Variants in OPCML observed in about 807,000 individuals in gnomAD.
OPCML encodes the protein opioid binding protein/cell adhesion molecule like.
A neutral mutation model predicts 37.8 loss-of-function variants in OPCML; 13 were observed. The observed-to-expected ratio is 0.34, with a 90% confidence interval of 0.22 to 0.55. The LOEUF (loss-of-function observed/expected upper bound fraction) is 0.55. Among genes scored for constraint, OPCML ranks in the 20% least tolerant of loss-of-function variants. The pLI, the probability that OPCML is intolerant of heterozygous loss-of-function variation, is 0.91. For missense variants in OPCML, 341 were observed against 435.6 expected (o/e 0.78, Z 1.93); for synonymous variants, 176 against 168.8 (o/e 1.04, Z -0.33).
At position 132,468,202 on chromosome 11, in the gene OPCML, T is replaced by A. The variant is rs541444969; in HGVS notation, c.506-30843A>T. ...GCTCTTTTTCTTCAACCTATGTGAA[T>A]GGCCAGTGCTTTCCTATCATTAGAA... On this transcript the variant is annotated intron_variant, in intron 4 of 7. Transcript: ENST00000524381. Among the ~76,000 whole-genome samples the A allele has an allele frequency of 1.6e-3, 237 of 152,338 alleles. 3 individuals carry two copies. The highest frequency in any genetic ancestry group is 3.3e-3 in the South Asian group (16 of 4,824).
chr11:132,966,253 A>G (rs1345171560), intron 1 of OPCML, among the ~76,000 whole-genome samples: 2 of 152,062 alleles, frequency 1.3e-5, no homozygotes, highest in Non-Finnish European at 2.9e-5. Context: ...ACGTTTCAAA[A>G]TATTTTCTAA....
chr11:132,617,681 G>A (rs1939125055), intron 3 of OPCML, among the ~76,000 whole-genome samples: 1 of 152,214 alleles, frequency 6.6e-6, no homozygotes, highest in Non-Finnish European at 1.5e-5. Context: ...GATGAAGTTG[G>A]CATCAAGGTT....
At chr11:133,221,265 G>A (rs1470970401) in intron 1 of OPCML, among the ~76,000 whole-genome samples, 1 of 152,186 alleles carries the variant, frequency 6.6e-6, no homozygotes, top group East Asian at 1.9e-4. Flanking sequence ...TGTCTGCAGA[G>A]TGACTTGGTC....
intron 1 of OPCML, among the ~76,000 whole-genome samples, chr11:133,166,260 T>C (rs768340845): frequency 1.3e-5 from 2 of 152,242 alleles, no homozygotes; most frequent in African/African-American, 2.4e-5. Context: ...AGCATTTCTA[T>C]AGTAATTCCT....
chr11:133,083,148 A>G (rs375905023), intron 1 of OPCML, among the ~76,000 whole-genome samples: 1,628 of 150,466 alleles, frequency 0.011, 23 homozygotes, highest in African/African-American at 0.038. Flanking sequence ...ACACACGCAC[A>G]CACACACACG....
intron 4 of OPCML, among the ~76,000 whole-genome samples, chr11:132,489,135 ATTATT>A (rs1302305284): frequency 3.5e-4 from 54 of 152,314 alleles, no homozygotes; most frequent in East Asian, 9.6e-4. Flanking sequence ...AAAATGTATT[ATTATT>A]TTATTTTTAA....
At chr11:132,661,034 C>T (rs1302194553) in intron 2 of OPCML, among the ~76,000 whole-genome samples, 1 of 152,112 alleles carries the variant, frequency 6.6e-6, no homozygotes, top group East Asian at 1.9e-4. Flanking sequence ...GTGCAAGTGG[C>T]CACAGGCTTG....
chr11:133,480,645 T>C (rs987551387), intron 1 of OPCML, among the ~76,000 whole-genome samples: 2 of 152,244 alleles, frequency 1.3e-5, no homozygotes, highest in East Asian at 1.9e-4. Flanking sequence ...TGCATGAAAC[T>C]CTTTCTGACC....
chr11:133,154,210 G>T (rs1051297688), intron 1 of OPCML, among the ~76,000 whole-genome samples: 7 of 128,588 alleles, frequency 5.4e-5, no homozygotes, highest in Admixed American at 5.1e-4. Context: ...ATGTGCTCAT[G>T]CTTCTGATTA....
chr11:133,286,369 T>C (rs900717764), intron 1 of OPCML, among the ~76,000 whole-genome samples: 27 of 149,182 alleles, frequency 1.8e-4, no homozygotes, highest in South Asian at 4.2e-4. Context: ...ACTCGGGAGG[T>C]TGAGGCAGGA....
At chr11:133,201,785 C>T (rs1426939532) in intron 1 of OPCML, among the ~76,000 whole-genome samples, 3 of 152,306 alleles carry the variant, frequency 2.0e-5, no homozygotes, top group Non-Finnish European at 4.4e-5. Context: ...TGGCTAAAGC[C>T]ACTATGTCTG....
At chr11:133,304,168 C>A (rs1324146047) in intron 1 of OPCML, among the ~76,000 whole-genome samples, 2 of 152,186 alleles carry the variant, frequency 1.3e-5, no homozygotes, top group Non-Finnish European at 2.9e-5. Context: ...CGTCTACTGC[C>A]AACAGCTCTA....
At chr11:133,184,986 T>A (rs982810334) in intron 1 of OPCML, among the ~76,000 whole-genome samples, 2 of 152,150 alleles carry the variant, frequency 1.3e-5, no homozygotes, top group Admixed American at 6.5e-5. Flanking sequence ...CTGGCTTGAT[T>A]TTTTCCTTCA....
At chr11:133,153,057 G>T (rs61632329) in intron 1 of OPCML, among the ~76,000 whole-genome samples, 47,499 of 151,966 alleles carry the variant, frequency 0.31, 8,039 homozygotes, top group African/African-American at 0.44. Flanking sequence ...GACCCTGGAA[G>T]GGGCACCGCG....
At chr11:132,464,042 A>G (rs944510383) in intron 4 of OPCML, among the ~76,000 whole-genome samples, 2 of 152,254 alleles carry the variant, frequency 1.3e-5, no homozygotes, top group Non-Finnish European at 2.9e-5. Flanking sequence ...TATGTAACTT[A>G]GCACATAAAC....
chr11:132,860,960 T>C (rs1942276290), intron 2 of OPCML, among the ~76,000 whole-genome samples: 1 of 152,216 alleles, frequency 6.6e-6, no homozygotes, highest in African/African-American at 2.4e-5. Flanking sequence ...GCGAAGAGAT[T>C]TGGAGAAACT....
intron 4 of OPCML, among the ~76,000 whole-genome samples, chr11:132,512,752 T>C (rs1487836256): frequency 1.4e-5 from 2 of 143,626 alleles, no homozygotes; most frequent in African/African-American, 2.5e-5. Flanking sequence ...AATATATACA[T>C]GTAATATATA....
At chr11:133,041,885 C>T (rs988432629) in intron 1 of OPCML, among the ~76,000 whole-genome samples, 31 of 152,236 alleles carry the variant, frequency 2.0e-4, no homozygotes, top group African/African-American at 7.2e-4. Context: ...TGCTTAGAGC[C>T]CTCAAGAAGG....
chr11:132,592,430 T>G (rs1237772984), intron 3 of OPCML, among the ~76,000 whole-genome samples: 1 of 152,232 alleles, frequency 6.6e-6, no homozygotes, highest in Non-Finnish European at 1.5e-5. Flanking sequence ...GGGATCCAAG[T>G]TACCATAATA....
Sources: gnomAD v4.1 joint callset for allele counts (sites outside exome capture counted in the v4.1 genomes callset) on GRCh38, gnomAD v4.1.1 for gene constraint, MANE v1.5 for transcripts, NCBI Gene and HGNC (gene_info 2026-07-23, HGNC 2026-07-21) for gene names.